Variants in STX18 observed in about 807,000 individuals in gnomAD.
The protein encoded by STX18 is syntaxin-18.
STX18 carries 40 observed loss-of-function variants against 50.1 expected under a neutral mutation model. The observed-to-expected ratio is 0.80, with a 90% CI of 0.62 to 1.04. STX18 has a LOEUF of 1.04. Among genes scored for constraint, STX18 ranks in the 50% least tolerant of loss-of-function variants. The pLI, the probability that STX18 is intolerant of heterozygous loss-of-function variation, is 0.00. For missense variants in STX18, 410 were observed against 415.8 expected, an observed-to-expected ratio of 0.99 and a Z score of 0.12; for synonymous variants, 158 against 151.8, an observed-to-expected ratio of 1.04 and a Z score of -0.30.
At chr4:4,478,492 C>T (rs191541692) in intron 1 of STX18, among the ~76,000 whole-genome samples, 19 of 152,316 alleles carry the variant, frequency 1.2e-4, no homozygotes, top group African/African-American at 4.3e-4. Flanking sequence ...CAGGATTGTT[C>T]ATTCTCCCGT....
intron 1 of STX18, among the ~76,000 whole-genome samples, chr4:4,497,799 G>A (rs1220353484): frequency 1.3e-5 from 2 of 152,100 alleles, no homozygotes; most frequent in African/African-American, 2.4e-5. Context: ...TGTGTTCGCC[G>A]ATCCTCAGGA....
chr4:4,451,935 AAGTT>A (rs1199951192), intron 5 of STX18, among the ~76,000 whole-genome samples: 1 of 152,236 alleles, frequency 6.6e-6, no homozygotes, highest in Non-Finnish European at 1.5e-5. Context: ...GACAGGCTAA[AAGTT>A]AGACCTCTTG....
intron 1 of STX18, among the ~76,000 whole-genome samples, chr4:4,495,422 T>C (rs1453446858): frequency 6.6e-6 from 1 of 152,118 alleles, no homozygotes; most frequent in African/African-American, 2.4e-5. Flanking sequence ...AAGGTCTTCC[T>C]CCATCACCCA....
chr4:4,531,152 T>TACACAC (rs142048912), intron 1 of STX18, among the ~76,000 whole-genome samples: 5,705 of 149,658 alleles, frequency 0.038, 349 homozygotes, highest in African/African-American at 0.13. Flanking sequence ...GGATAAAATT[T>TACACAC]ACACACACAC....
intron 2 of STX18, among the ~76,000 whole-genome samples, chr4:4,468,837 A>T (rs1441212833): frequency 1.3e-5 from 2 of 152,202 alleles, no homozygotes; most frequent in Non-Finnish European, 1.5e-5. Flanking sequence ...TGCTACTCAC[A>T]AAGGCTTTAT....
intron 1 of STX18, among the ~76,000 whole-genome samples, chr4:4,511,154 T>C (rs1577389315): frequency 6.6e-6 from 1 of 152,088 alleles, no homozygotes; most frequent in African/African-American, 2.4e-5. Context: ...ACATGTATCC[T>C]AGAACTTAAA....
intron 5 of STX18, among the ~76,000 whole-genome samples, chr4:4,450,819 T>C (rs1417387481): frequency 6.6e-6 from 1 of 152,228 alleles, no homozygotes; most frequent in East Asian, 1.9e-4. Context: ...GCTTCAGGAC[T>C]GACTTCTTCA....
chr4:4,436,942 C>T (rs1348875935), intron 6 of STX18, among the ~76,000 whole-genome samples: 1 of 146,004 alleles, frequency 6.8e-6, no homozygotes, highest in African/African-American at 2.6e-5. Context: ...TTTTCAGGTC[C>T]AGACTCACTT....
chr4:4,519,381 A>C (rs1730417719), intron 1 of STX18, among the ~76,000 whole-genome samples: 1 of 152,118 alleles, frequency 6.6e-6, no homozygotes, highest in Non-Finnish European at 1.5e-5. Flanking sequence ...TAACCTAATC[A>C]ATCTATCTAA....
chr4:4,484,084 G>C (rs927609318), intron 1 of STX18, among the ~76,000 whole-genome samples: 2 of 152,028 alleles, frequency 1.3e-5, no homozygotes, highest in East Asian at 1.9e-4. Flanking sequence ...GGATGGTCTT[G>C]ATCTCCTGAC....
chr4:4,537,653 T>C (rs1731403157), intron 1 of STX18, among the ~76,000 whole-genome samples: 1 of 152,220 alleles, frequency 6.6e-6, no homozygotes, highest in Admixed American at 6.5e-5. Context: ...AGGTTACTAT[T>C]ACTTGCAAAC....
Position 4,459,367 on chromosome 4 carries a change from T to C in STX18, c.352+5A>G. On this transcript the variant is annotated splice_donor_5th_base_variant and intron_variant, in intron 3 of 10. Coordinates refer to ENST00000306200, the MANE Select transcript of STX18 (RefSeq NM_016930.4). ...TGCTTGTTTGCATCTTTCAGAGCAC[T>C]TTACCTTCTGTTCGTAGTTGCTGAA... 1.9e-6 allele frequency: 3 copies of C among 1,609,628 alleles called. No homozygotes were observed. The highest frequency in any genetic ancestry group is 3.3e-4 in the Middle Eastern group (2 of 5,982).
At chr4:4,497,259 C>T (rs991546907) in intron 1 of STX18, among the ~76,000 whole-genome samples, 1 of 152,184 alleles carries the variant, frequency 6.6e-6, no homozygotes, top group Admixed American at 6.5e-5. Context: ...AGGCTGAATT[C>T]CCAGGATTAC....
At chr4:4,513,673 C>T (rs1730108542) in intron 1 of STX18, among the ~76,000 whole-genome samples, 2 of 152,196 alleles carry the variant, frequency 1.3e-5, no homozygotes, top group Admixed American at 6.5e-5. Flanking sequence ...CACACTGCTA[C>T]ATCTTAAACA....
chr4:4,457,256 T>C lies in STX18; in HGVS notation c.432A>G (p.Arg144=), dbSNP rs1176289458. ...VLDFIEDYLK[R]VCKLYSEQRA... ...TCTGTTCTGAGTAAAGTTTACATAC[T>C]CCTGTTGCAGAAGAAAATACCAGAA... is the stretch of plus-strand genomic sequence containing the variant. Residue 144 remains arginine, a splice_region_variant and synonymous_variant, in exon 5 of 11, where the codon AGA becomes AGG. Transcript: ENST00000306200. The C allele has an allele frequency of 1.2e-6, 2 of 1,613,852 alleles. No individual in the cohort carries two copies. Among genetic ancestry groups the C allele is most frequent in the Non-Finnish European group, 1.7e-6 (2 of 1,179,892 alleles).
At chr4:4,508,913 A>T (rs1024407152) in intron 1 of STX18, among the ~76,000 whole-genome samples, 1 of 152,222 alleles carries the variant, frequency 6.6e-6, no homozygotes, top group Non-Finnish European at 1.5e-5. Flanking sequence ...TTATGGCTGC[A>T]TAGTATTTCA....
In STX18 at chr4:4,482,740, T is replaced by A. The variant is rs1413810899; in HGVS notation, c.169-11034A>T. ...GTCTTCATTCCCATCACTCAACTTC[T>A]ACTCAAAATTGCAGGCCCAAGGAGG... On this transcript the variant is annotated intron_variant, in intron 1 of 10. Transcript: ENST00000306200. Among the ~76,000 whole-genome samples, 5 of 152,206 alleles carry A rather than the reference T, an allele frequency of 3.3e-5. No individual in the cohort carries two copies. In the East Asian group the frequency reaches 9.6e-4, roughly 29 times the overall value.
At position 4,485,809 on chromosome 4, in the gene STX18, T is replaced by C. The variant is rs57776947; in HGVS notation, c.169-14103A>G. On this transcript the variant is annotated intron_variant, in intron 1 of 10. Coordinates refer to ENST00000306200, the MANE Select transcript of STX18 (RefSeq NM_016930.4). ...CAGCCTGTCCCTGCCCTGTCCCCTA[T>C]GCGCTCTCCTCCGTATCTTTTCTCC... is the stretch of plus-strand genomic sequence containing the variant. Among the ~76,000 whole-genome samples the C allele has an allele frequency of 6.9e-3, 1,056 of 152,332 alleles. 13 individuals carry two copies. Among genetic ancestry groups the C allele is most frequent in the African/African-American group, 0.023 (967 of 41,566 alleles).
At chr4:4,487,242 G>C (rs563137412) in intron 1 of STX18, among the ~76,000 whole-genome samples, 1 of 152,188 alleles carries the variant, frequency 6.6e-6, no homozygotes, top group Non-Finnish European at 1.5e-5. Context: ...GGGTTTGTCT[G>C]CATGGTCACA....
Sources: gnomAD v4.1 joint callset for allele counts (sites outside exome capture counted in the v4.1 genomes callset) on GRCh38, gnomAD v4.1.1 for gene constraint, MANE v1.5 for transcripts, NCBI Gene and HGNC (gene_info 2026-07-23, HGNC 2026-07-21) for gene names.